The following ROBO1 variants were observed in gnomAD, a reference collection of about 807,000 sequenced individuals.
The protein encoded by ROBO1 is roundabout homolog 1.
A neutral mutation model predicts 195.9 loss-of-function variants in ROBO1; 149 were observed. The ratio of observed to expected loss-of-function variants is 0.76; its 90% CI spans 0.67 to 0.87. The LOEUF (loss-of-function observed/expected upper bound fraction) is 0.87, where lower values mean the gene tolerates loss of function less well. Ranked by LOEUF, ROBO1 falls within the 40% of genes least tolerant of loss-of-function variation. The pLI, the probability that ROBO1 is intolerant of heterozygous loss-of-function variation, is 0.00. For synonymous variants in ROBO1, 816 were observed against 733.2 expected, an observed-to-expected ratio of 1.11 and a Z score of -1.82; for missense variants, 1,933 against 2,068.3, an observed-to-expected ratio of 0.93 and a Z score of 1.27.
chr3:78,865,602 G>T (rs2035123938), intron 4 of ROBO1, among the ~76,000 whole-genome samples: 1 of 151,510 alleles, frequency 6.6e-6, no homozygotes, highest in Admixed American at 6.6e-5. Context: ...CTCCCGAGTA[G>T]CTGGGATTAC....
chr3:79,663,693 C>T (rs796904340), intron 1 of ROBO1, among the ~76,000 whole-genome samples: 4 of 152,118 alleles, frequency 2.6e-5, no homozygotes, highest in African/African-American at 9.6e-5. Flanking sequence ...AGTTCTGTAG[C>T]ACTTACTTGT....
intron 4 of ROBO1, among the ~76,000 whole-genome samples, chr3:78,910,803 T>C (rs2038197152): frequency 6.6e-6 from 1 of 152,126 alleles, no homozygotes; most frequent in South Asian, 2.1e-4. Context: ...TAATGACATA[T>C]GCAAAAAGCA....
intron 1 of ROBO1, among the ~76,000 whole-genome samples, chr3:79,734,270 C>T (rs1212476608): frequency 1.3e-5 from 2 of 152,008 alleles, no homozygotes; most frequent in Non-Finnish European, 2.9e-5. Flanking sequence ...TAACTGTTTT[C>T]TTTTGGCTCC....
intron 2 of ROBO1, among the ~76,000 whole-genome samples, chr3:79,347,671 A>C (rs2035177848): frequency 6.6e-6 from 1 of 152,204 alleles, no homozygotes; most frequent in Non-Finnish European, 1.5e-5. Context: ...ATCCTTGTAG[A>C]AGAGACAGGA....
intron 2 of ROBO1, among the ~76,000 whole-genome samples, chr3:79,318,347 C>A (rs761162837): frequency 3.3e-5 from 5 of 152,152 alleles, no homozygotes; most frequent in Non-Finnish European, 5.9e-5. Context: ...CCCAGTTCAC[C>A]ACAGTAGAAT....
At chr3:78,735,082 T>C (rs2108213614) in intron 5 of ROBO1, among the ~76,000 whole-genome samples, 1 of 152,320 alleles carries the variant, frequency 6.6e-6, no homozygotes, top group Non-Finnish European at 1.5e-5. Context: ...AAACAGGATA[T>C]ACTACAGTTT....
At chr3:79,205,045 T>A (rs1277195612) in intron 2 of ROBO1, among the ~76,000 whole-genome samples, 2 of 152,180 alleles carry the variant, frequency 1.3e-5, no homozygotes, top group Admixed American at 6.6e-5. Flanking sequence ...TAGGCTGGAC[T>A]GCAGTGGCGT....
chr3:79,449,411 GA>G (rs1010689110), intron 2 of ROBO1, among the ~76,000 whole-genome samples: 132 of 149,558 alleles, frequency 8.8e-4, no homozygotes, highest in African/African-American at 3.0e-3. Context: ...TTCACTAGGG[GA>G]AAAAATTAAA....
chr3:79,226,184 G>C (rs1175279410), intron 2 of ROBO1, among the ~76,000 whole-genome samples: 1 of 151,922 alleles, frequency 6.6e-6, no homozygotes, highest in Non-Finnish European at 1.5e-5. Context: ...AATTATAATA[G>C]GACACCTAAT....
At chr3:79,643,590 T>C (rs1328301778) in intron 1 of ROBO1, among the ~76,000 whole-genome samples, 1 of 152,160 alleles carries the variant, frequency 6.6e-6, no homozygotes, top group Admixed American at 6.6e-5. Flanking sequence ...TTTCTTTTTT[T>C]CCCTATTTTT....
intron 2 of ROBO1, among the ~76,000 whole-genome samples, chr3:79,502,346 G>C (rs1340862065): frequency 6.6e-6 from 1 of 152,186 alleles, no homozygotes; most frequent in African/African-American, 2.4e-5. Flanking sequence ...AGCCGCACTT[G>C]GAGCAGATGG....
At chr3:79,531,360 G>A (rs1382647514) in intron 2 of ROBO1, among the ~76,000 whole-genome samples, 1 of 152,030 alleles carries the variant, frequency 6.6e-6, no homozygotes, top group East Asian at 1.9e-4. Flanking sequence ...GGCGGCTCAG[G>A]CCTGTAATCC....
At chr3:79,018,358 G>A (rs370389887) in intron 3 of ROBO1, 70 of 1,609,134 alleles carry the variant, frequency 4.4e-5, no homozygotes, top group South Asian at 6.6e-5. Flanking sequence ...AAAGTGGAGA[G>A]GGGGCGAACA....
intron 4 of ROBO1, among the ~76,000 whole-genome samples, chr3:78,859,846 C>T (rs538412743): frequency 2.8e-3 from 433 of 152,170 alleles, no homozygotes; most frequent in South Asian, 6.2e-3. Context: ...TTTGGGAGGC[C>T]AAGGCGGGTG....
intron 3 of ROBO1, among the ~76,000 whole-genome samples, chr3:78,988,509 T>A (rs2108039264): frequency 6.6e-6 from 1 of 152,280 alleles, no homozygotes; most frequent in African/African-American, 2.4e-5. Context: ...TCCAGAGACC[T>A]TTTATCCCCA....
chr3:79,498,036 C>G (rs1939843497), intron 2 of ROBO1, among the ~76,000 whole-genome samples: 1 of 152,050 alleles, frequency 6.6e-6, no homozygotes, highest in African/African-American at 2.4e-5. Context: ...TTGTATGAAA[C>G]TATCATCGAA....
At chr3:79,102,056 A>G (rs750673020) in intron 3 of ROBO1, among the ~76,000 whole-genome samples, 2 of 151,770 alleles carry the variant, frequency 1.3e-5, no homozygotes, top group Non-Finnish European at 2.9e-5. Context: ...AATAATGTTG[A>G]TCAGTATTTG....
At chr3:78,903,866 C>T (rs1380727914) in intron 4 of ROBO1, among the ~76,000 whole-genome samples, 4 of 152,066 alleles carry the variant, frequency 2.6e-5, no homozygotes, top group African/African-American at 7.2e-5. Flanking sequence ...ATAGACCACA[C>T]TGTCTTGGTA....
intron 4 of ROBO1, among the ~76,000 whole-genome samples, chr3:78,916,533 C>G (rs1023187909): frequency 8.2e-6 from 1 of 121,858 alleles, no homozygotes; most frequent in Non-Finnish European, 1.6e-5. Context: ...GCCTGGACAA[C>G]AGAGCAAGTA....
Sources: allele counts gnomAD v4.1 joint callset (sites outside exome capture counted in the v4.1 genomes callset), GRCh38; gene constraint gnomAD v4.1.1; transcripts MANE v1.5; gene names NCBI Gene and HGNC (gene_info 2026-07-23, HGNC 2026-07-21).